Variants in SEC22A observed in about 807,000 individuals in gnomAD.
The protein encoded by SEC22A is vesicle-trafficking protein SEC22a.
SEC22A carries 22 observed loss-of-function variants against 35.3 expected under a neutral mutation model. The observed-to-expected ratio is 0.62, with a 90% CI of 0.45 to 0.89. The LOEUF (loss-of-function observed/expected upper bound fraction) is 0.89. Ranked by LOEUF, SEC22A falls within the 40% of genes least tolerant of loss-of-function variation. The pLI is 0.00. For missense variants in SEC22A, 354 were observed against 362.5 expected (o/e 0.98, Z 0.19); for synonymous variants, 119 against 129.5 (o/e 0.92, Z 0.55).
At chr3:123,243,741 T>TA (rs1937544684) in intron 4 of SEC22A, 1 of 152,242 alleles carries the variant, frequency 6.6e-6, no homozygotes, top group Non-Finnish European at 1.5e-5. Flanking sequence ...ACTGAATAAA[T>TA]ATATTAATTT....
At chr3:123,256,935 A>G (rs894370469) in intron 5 of SEC22A, among the ~76,000 whole-genome samples, 4 of 151,424 alleles carry the variant, frequency 2.6e-5, no homozygotes, top group African/African-American at 9.7e-5. Context: ...AATTTTTTGT[A>G]TTTTTAGTAG....
At chr3:123,234,620 C>T (rs1342282689) in intron 4 of SEC22A, among the ~76,000 whole-genome samples, 1 of 145,092 alleles carries the variant, frequency 6.9e-6, no homozygotes, top group African/African-American at 2.5e-5. Flanking sequence ...TAAAATGTAT[C>T]AAAAACTTAA....
At chr3:123,235,071 T>C (rs189955352) in intron 4 of SEC22A, among the ~76,000 whole-genome samples, 35 of 152,134 alleles carry the variant, frequency 2.3e-4, no homozygotes, top group African/African-American at 7.9e-4. Context: ...GCTAAAAACT[T>C]TTTTGGAGAC....
intron 6 of SEC22A, among the ~76,000 whole-genome samples, chr3:123,269,039 A>G (rs1040654813): frequency 2.6e-5 from 4 of 152,180 alleles, no homozygotes; most frequent in African/African-American, 9.7e-5. Flanking sequence ...AGGAAATGTG[A>G]TAAGTTTGAT....
chr3:123,240,838 A>C (rs111682280), intron 4 of SEC22A, among the ~76,000 whole-genome samples: 1 of 152,066 alleles, frequency 6.6e-6, no homozygotes, highest in South Asian at 2.1e-4. Context: ...CAAAACCCTA[A>C]ATTTAGGGTT....
intron 2 of SEC22A, among the ~76,000 whole-genome samples, chr3:123,220,270 A>G (rs1937096276): frequency 6.6e-6 from 1 of 152,174 alleles, no homozygotes; most frequent in Non-Finnish European, 1.5e-5. Flanking sequence ...AGGATAATCA[A>G]ATAACTCCTA....
chr3:123,240,342 A>AT (rs1164589179), intron 4 of SEC22A, among the ~76,000 whole-genome samples: 2 of 152,154 alleles, frequency 1.3e-5, no homozygotes, highest in East Asian at 1.9e-4. Flanking sequence ...GACTGTTTTT[A>AT]TTTTTTTCCA....
chr3:123,219,451 GA>G (rs1301378975), intron 2 of SEC22A, among the ~76,000 whole-genome samples: 6 of 152,216 alleles, frequency 3.9e-5, no homozygotes, highest in African/African-American at 1.4e-4. Context: ...TTGTATTGTG[GA>G]AAGAATGTGG....
intron 5 of SEC22A, among the ~76,000 whole-genome samples, chr3:123,252,769 C>T (rs1248336721): frequency 1.3e-5 from 2 of 152,162 alleles, no homozygotes; most frequent in East Asian, 3.8e-4. Context: ...AACTGCCTCA[C>T]AGGGTGATAG....
chr3:123,202,753 T>C (rs1936772165), intron 1 of SEC22A, among the ~76,000 whole-genome samples: 2 of 152,176 alleles, frequency 1.3e-5, no homozygotes, highest in African/African-American at 4.8e-5. Flanking sequence ...GTCCCTCCTA[T>C]GCCTATTCAG....
intron 4 of SEC22A, among the ~76,000 whole-genome samples, chr3:123,227,947 G>GA (rs62978760): frequency 0.065 from 6,538 of 100,934 alleles, 328 homozygotes; most frequent in African/African-American, 0.18. Context: ...AGCTCCATCA[G>GA]AAAAAAAAAA....
In SEC22A at chr3:123,245,882, T is replaced by C; in HGVS notation, c.542-17T>C. The C allele has an allele frequency of 2.8e-6, 4 of 1,425,080 alleles. No homozygotes were observed. The highest frequency in any genetic ancestry group is 4.0e-6 in the Non-Finnish European group (4 of 1,012,522). The allele number at this position is 1,425,080 out of a possible 1,614,324, so 88.3% of individuals were successfully genotyped here. A position where few individuals can be genotyped will look rare whatever the true frequency, so the allele number is the denominator to read the frequency against. On this transcript the variant is annotated splice_polypyrimidine_tract_variant and intron_variant, in intron 4 of 6. Coordinates refer to ENST00000492595, the MANE Select transcript of SEC22A (RefSeq NM_012430.5). ...AGGTATTGGTGTTCATTTCTAACTA[T>C]TTCTTTTATTTTCCAGCTCACCAGC...
rs202094912 is a variant in SEC22A, at chr3:123,209,706, AAAT to A, written c.182+308_182+310del. On this transcript the variant is annotated intron_variant, in intron 2 of 6. Coordinates refer to ENST00000492595, the MANE Select transcript of SEC22A (RefSeq NM_012430.5). ...GTAAGCAAACTATAATTGGAAATAA[AAAT>A]TTTTTACCTGATATCTGCCCTCAAA... 5.8e-3 allele frequency among the ~76,000 whole-genome samples: 883 copies of A among 152,322 alleles called. 8 individuals are homozygous for A. The highest frequency in any genetic ancestry group is 0.02 in the African/African-American group (830 of 41,566).
At position 123,223,603 on chromosome 3, in the gene SEC22A, A is replaced by G; in HGVS notation, c.227A>G (p.Glu76Gly). ...GTGAGCTACATGATGTTGTGCACTGAAAATTACCCAAATGTTCTCGCCTTC... is the reference window on the plus strand; with the variant it reads ...GTGAGCTACATGATGTTGTGCACTGGAAATTACCCAAATGTTCTCGCCTTC... ...LGVSYMMLCT[E>G]NYPNVLAFSF... Residue 76 changes from glutamate to glycine, a missense_variant, in exon 3 of 7, where the codon GAA becomes GGA. Glu to Gly is a moderately conservative substitution (Grantham distance 98). Coordinates refer to ENST00000492595, the MANE Select transcript of SEC22A (RefSeq NM_012430.5). 6.2e-7 allele frequency: 1 copy of G among 1,613,760 alleles called. No homozygotes were observed. Among genetic ancestry groups the G allele is most frequent in the Non-Finnish European group, 8.5e-7 (1 of 1,179,732 alleles).
At position 123,223,594 on chromosome 3, in the gene SEC22A, T is replaced by C; in HGVS notation, c.218T>C (p.Leu73Ser). 6.2e-7 allele frequency: 1 copy of C among 1,613,886 alleles called. No individual in the cohort carries two copies. Among genetic ancestry groups the C allele is most frequent in the Non-Finnish European group, 8.5e-7 (1 of 1,179,806 alleles). Residue 73 changes from leucine to serine, a missense_variant, in exon 3 of 7, where the codon TTG (leucine) becomes TCG (serine). Transcript: ENST00000492595. Reference sequence around the variant, plus strand: ...TCTCTGGGAGTGAGCTACATGATGTTGTGCACTGAAAATTACCCAAATGTT... The same window carrying C: ...TCTCTGGGAGTGAGCTACATGATGTCGTGCACTGAAAATTACCCAAATGTT... ...ISSLGVSYMM[L>S]CTENYPNVLA... is the part of the protein sequence containing the mutation.
At chr3:123,203,053 C>CTTTTTTTTTTTTTTTTTTTTTTTTTTTT (rs779433710) in intron 1 of SEC22A, among the ~76,000 whole-genome samples, 1 of 43,822 alleles carries the variant, frequency 2.3e-5, no homozygotes, top group African/African-American at 1.1e-4. Context: ...TGTTTAGTGC[C>CTTTTTTTTTTTTTTTTTTTTTTTTTTTT]TTTTTTTTTT....
At position 123,223,736 on chromosome 3, in the gene SEC22A, T is replaced by G. The variant is rs1429118741; in HGVS notation, c.346+14T>G. On this transcript the variant is annotated intron_variant, in intron 3 of 6. Transcript: ENST00000492595. ...TCATTGAATTTGGTAAGGGCCTGATTTTTTTTTCCTTTTTATTCTGTCTGC... is the reference window on the plus strand; with the variant it reads ...TCATTGAATTTGGTAAGGGCCTGATGTTTTTTTCCTTTTTATTCTGTCTGC... 2 of 1,596,170 alleles carry G rather than the reference T, an allele frequency of 1.3e-6. No homozygotes were observed. The highest frequency in any genetic ancestry group is 4.5e-5 in the East Asian group (2 of 44,664).
intron 4 of SEC22A, among the ~76,000 whole-genome samples, chr3:123,229,036 G>A (rs372709702): frequency 5.9e-5 from 9 of 152,222 alleles, no homozygotes; most frequent in Admixed American, 2.0e-4. Context: ...ATAGGATACC[G>A]AAGAAGAAGG....
intron 1 of SEC22A, among the ~76,000 whole-genome samples, chr3:123,203,032 A>G (rs1217881456): frequency 2.2e-5 from 3 of 136,352 alleles, no homozygotes; most frequent in African/African-American, 5.8e-5. Flanking sequence ...TATGTTGAAA[A>G]CCATCACATC....
Sources: gnomAD v4.1 joint callset for allele counts (sites outside exome capture counted in the v4.1 genomes callset) on GRCh38, gnomAD v4.1.1 for gene constraint, MANE v1.5 for transcripts, NCBI Gene and HGNC (gene_info 2026-07-23, HGNC 2026-07-21) for gene names.